The following PKHD1 variants were observed in gnomAD, a reference collection of about 807,000 sequenced individuals.
PKHD1 encodes the protein fibrocystin.
In PKHD1, 291 loss-of-function variants were observed where a neutral mutation model predicts 412.0. The ratio of observed to expected loss-of-function variants is 0.71; its 90% CI spans 0.64 to 0.78. The LOEUF (loss-of-function observed/expected upper bound fraction) is 0.78, where lower values mean the gene tolerates loss of function less well. Among genes scored for constraint, PKHD1 ranks in the 30% least tolerant of loss-of-function variants. The pLI, the probability that PKHD1 is intolerant of heterozygous loss-of-function variation, is 0.00. For synonymous variants in PKHD1, 1,777 were observed against 1,821.5 expected, an observed-to-expected ratio of 0.98 and a Z score of 0.62; for missense variants, 4,825 against 4,950.7, an observed-to-expected ratio of 0.97 and a Z score of 0.76.
intron 37 of PKHD1, among the ~76,000 whole-genome samples, chr6:51,928,166 G>A (rs1205730295): frequency 1.3e-5 from 2 of 152,152 alleles, no homozygotes; most frequent in Non-Finnish European, 2.9e-5. Context: ...ACCATCCCAA[G>A]TGCCTCAAGT....
intron 49 of PKHD1, among the ~76,000 whole-genome samples, chr6:51,849,241 T>C (rs982275064): frequency 6.6e-6 from 1 of 152,240 alleles, no homozygotes; most frequent in African/African-American, 2.4e-5. Context: ...CTCATTCCTT[T>C]TTATGGCTGC....
At chr6:51,632,445 T>C (rs1456569448) in intron 65 of PKHD1, 120 bp downstream of exon 65, 2 of 789,486 alleles carry the variant, frequency 2.5e-6, no homozygotes, top group Non-Finnish European at 4.1e-6. Context: ...TGTAATTTTA[T>C]ATTTTAGAGA....
At chr6:51,944,812 G>A (rs931756709) in intron 36 of PKHD1, among the ~76,000 whole-genome samples, 10 of 152,278 alleles carry the variant, frequency 6.6e-5, no homozygotes, top group Non-Finnish European at 1.5e-4. Flanking sequence ...AACCCACCGG[G>A]TGATTATATC....
intron 52 of PKHD1, among the ~76,000 whole-genome samples, chr6:51,821,066 G>A (rs1562386947): frequency 6.6e-6 from 1 of 152,182 alleles, no homozygotes; most frequent in South Asian, 2.1e-4. Flanking sequence ...CAACCAGGGG[G>A]GTAAAATACA....
intron 51 of PKHD1, among the ~76,000 whole-genome samples, chr6:51,836,061 G>A (rs1164847817): frequency 6.6e-6 from 1 of 152,110 alleles, no homozygotes; most frequent in Non-Finnish European, 1.5e-5. Flanking sequence ...TTAAAGTTTA[G>A]AGATACCCTG....
chr6:52,028,286 G>A lies in PKHD1; in HGVS notation c.3430C>T (p.His1144Tyr), dbSNP rs1802531099. 4 of 1,613,986 alleles carry A rather than the reference G, an allele frequency of 2.5e-6. No individual in the cohort carries two copies. Among genetic ancestry groups the A allele is most frequent in the Non-Finnish European group, 1.7e-6 (2 of 1,180,004 alleles). ...MNYTDLDVEV[H>Y]VQDALAPVHT... is the part of the protein sequence containing the mutation. ...ACCGGAGCCAAGGCATCCTGGACGT[G>A]GACTTCCACATCCAAATCCGTATAG... Residue 1144 changes from histidine to tyrosine, a missense_variant, in exon 30 of 67, where the codon CAC becomes TAC. Coordinates refer to ENST00000371117, the MANE Select transcript of PKHD1 (RefSeq NM_138694.4).
At chr6:51,855,474 G>A (rs1773123183) in intron 49 of PKHD1, among the ~76,000 whole-genome samples, 1 of 152,194 alleles carries the variant, frequency 6.6e-6, no homozygotes, top group African/African-American at 2.4e-5. Flanking sequence ...TTGACCACAA[G>A]GTGGCAGTAT....
Position 51,618,975 on chromosome 6 carries a change from T to G in PKHD1, c.*106A>C. ...AAAAAGGGATTCAGAGTCCACATTCTCTCTTCTTAGTTGTCCCAGCAGGAC... is the reference window on the plus strand; with the variant it reads ...AAAAAGGGATTCAGAGTCCACATTCGCTCTTCTTAGTTGTCCCAGCAGGAC... On this transcript the variant is annotated 3_prime_UTR_variant, in exon 67 of 67. Transcript: ENST00000371117. 9.7e-7 allele frequency: 1 copy of G among 1,027,742 alleles called. No individual in the cohort carries two copies. The highest frequency in any genetic ancestry group is 1.5e-6 in the Non-Finnish European group (1 of 651,332). The allele number at this position is 1,027,742 out of a possible 1,614,324, so 63.7% of individuals were successfully genotyped here. A position where few individuals can be genotyped will look rare whatever the true frequency, so the allele number is the denominator to read the frequency against.
At chr6:51,662,645 A>G (rs2150435445) in intron 60 of PKHD1, among the ~76,000 whole-genome samples, 1 of 152,004 alleles carries the variant, frequency 6.6e-6, no homozygotes, top group Middle Eastern at 3.4e-3. Context: ...CAATAGAGAA[A>G]GCGATTCTTG....
intron 35 of PKHD1, among the ~76,000 whole-genome samples, chr6:51,977,183 T>A (rs1794569551): frequency 6.6e-6 from 1 of 152,148 alleles, no homozygotes; most frequent in African/African-American, 2.4e-5. Flanking sequence ...TTTCTCAAGG[T>A]CCTAAACCCA....
At chr6:51,982,225 G>T (rs1384094722) in intron 35 of PKHD1, among the ~76,000 whole-genome samples, 1 of 32,948 alleles carries the variant, frequency 3.0e-5, no homozygotes, top group Non-Finnish European at 8.2e-5. Context: ...GCCCCATCCG[G>T]GAGGTGAGGG....
At chr6:51,792,459 T>G (rs985322001) in intron 52 of PKHD1, among the ~76,000 whole-genome samples, 1 of 152,212 alleles carries the variant, frequency 6.6e-6, no homozygotes, top group Non-Finnish European at 1.5e-5. Flanking sequence ...TTGTCTTTCC[T>G]AGCCCCTCCC....
chr6:51,888,621 G>A (rs770454531), intron 43 of PKHD1, among the ~76,000 whole-genome samples: 1 of 151,730 alleles, frequency 6.6e-6, no homozygotes, highest in Non-Finnish European at 1.5e-5. Context: ...CTTGGACTGT[G>A]GATGATTTTT....
At position 52,062,671 on chromosome 6, in the gene PKHD1, T is replaced by A. The variant is rs1186862434; in HGVS notation, c.977-11A>T. ...GAAGCCCTCGATTGCCTGTAAGACATGTAGATCGCATAAACATTACAGGGC... is the reference window on the plus strand; with the variant it reads ...GAAGCCCTCGATTGCCTGTAAGACAAGTAGATCGCATAAACATTACAGGGC... On this transcript the variant is annotated splice_polypyrimidine_tract_variant and intron_variant, in intron 13 of 66. Coordinates refer to ENST00000371117, the MANE Select transcript of PKHD1 (RefSeq NM_138694.4). 3 of 1,614,056 alleles carry A rather than the reference T, an allele frequency of 1.9e-6. No individual in the cohort carries two copies. Among genetic ancestry groups the A allele is most frequent in the Non-Finnish European group, 1.7e-6 (2 of 1,179,930 alleles).
At chr6:51,880,674 C>A (rs1349789346) in intron 46 of PKHD1, among the ~76,000 whole-genome samples, 1 of 35,786 alleles carries the variant, frequency 2.8e-5, no homozygotes, top group Non-Finnish European at 4.4e-5. Context: ...CTAGATGACA[C>A]GTTAGTGGGT....
chr6:51,817,395 ACT>A (rs1365916103), intron 52 of PKHD1, among the ~76,000 whole-genome samples: 1 of 152,050 alleles, frequency 6.6e-6, no homozygotes, highest in East Asian at 1.9e-4. Flanking sequence ...ATGGGAGGAA[ACT>A]CTGCTGTAGA....
rs1785485413 is a variant in PKHD1, at chr6:51,748,190, G to T, written c.9426C>A (p.Thr3142=). ...LYKESGLDNC[T]RISGFLAFKN... ...TGAAAGCCAAGAAGCCAGAGATTCT[G>T]GTACAGTTGTCAAGTCCACTTTCCT... is the stretch of plus-strand genomic sequence containing the variant. The change falls in exon 58 of 67, where the codon ACC becomes ACA. Residue 3142 remains threonine, a synonymous_variant. Transcript: ENST00000371117. The T allele has an allele frequency of 6.2e-7, 1 of 1,613,930 alleles. No homozygotes were observed. Among genetic ancestry groups the T allele is most frequent in the Non-Finnish European group, 8.5e-7 (1 of 1,179,980 alleles).
Position 51,627,161 on chromosome 6 carries a change from G to A in PKHD1, c.11666-45C>T, listed in dbSNP as rs115992233. On this transcript the variant is annotated intron_variant, in intron 65 of 66. Transcript: ENST00000371117. ...AAAGGATTTTTTTGTTCAGTTGTAA[G>A]TGGGACCATCAGCATTTAGGTGTTT... 1.1e-3 allele frequency: 1,741 copies of A among 1,519,868 alleles called. 21 individuals are homozygous for A. The African/African-American group carries it at 0.023, about 20-fold the overall frequency. 94.1% of individuals were successfully genotyped at this position (1,519,868 alleles called of 1,614,324 possible). A position where few individuals can be genotyped will look rare whatever the true frequency, so the allele number is the denominator to read the frequency against.
chr6:52,057,867 A>AT (rs1289496442), intron 16 of PKHD1, among the ~76,000 whole-genome samples: 1 of 152,256 alleles, frequency 6.6e-6, no homozygotes, highest in East Asian at 1.9e-4. Flanking sequence ...ACTATAACAC[A>AT]TAAAAACTCT....
Sources: allele counts gnomAD v4.1 joint callset (sites outside exome capture counted in the v4.1 genomes callset), GRCh38; gene constraint gnomAD v4.1.1; transcripts MANE v1.5; gene names NCBI Gene and HGNC (gene_info 2026-07-23, HGNC 2026-07-21).